Variants in CDR2 observed in about 807,000 individuals in gnomAD.
The protein encoded by CDR2 is cerebellar degeneration-related protein 2.
In CDR2, 34 loss-of-function variants were observed where a neutral mutation model predicts 48.4. That is an observed-to-expected ratio of 0.70 (90% CI 0.53 to 0.94). The LOEUF (loss-of-function observed/expected upper bound fraction) is 0.94. Ranked by LOEUF, CDR2 falls within the 40% of genes least tolerant of loss-of-function variation. The pLI is 0.00. For synonymous variants in CDR2, 240 were observed against 219.7 expected (o/e 1.09, Z -0.82); for missense variants, 498 against 549.5 (o/e 0.91, Z 0.94).
intron 1 of CDR2, chr16:22,368,948 G>A (rs2049059602): frequency 6.6e-6 from 1 of 152,184 alleles, no homozygotes; most frequent in South Asian, 2.1e-4. Context: ...GGCTCAACAT[G>A]TTCCAGAAAA....
At chr16:22,354,648 G>A (rs2048961488) in intron 2 of CDR2, among the ~76,000 whole-genome samples, 1 of 151,968 alleles carries the variant, frequency 6.6e-6, no homozygotes, top group South Asian at 2.1e-4. Flanking sequence ...AGCACTTTGG[G>A]AGGCCAAGGC....
At chr16:22,360,002 T>C (rs2049000850) in intron 2 of CDR2, among the ~76,000 whole-genome samples, 1 of 152,198 alleles carries the variant, frequency 6.6e-6, no homozygotes, top group African/African-American at 2.4e-5. Flanking sequence ...AAAATATTTT[T>C]CCATTTCCAA....
chr16:22,348,830 C>T (rs1045055087), intron 4 of CDR2, among the ~76,000 whole-genome samples: 4 of 152,186 alleles, frequency 2.6e-5, no homozygotes, highest in Admixed American at 1.3e-4. Context: ...CTATTTTGCT[C>T]GCCAACCCTT....
At chr16:22,351,138 T>C (rs1285552614) in intron 2 of CDR2, among the ~76,000 whole-genome samples, 1 of 152,198 alleles carries the variant, frequency 6.6e-6, no homozygotes, top group Non-Finnish European at 1.5e-5. Context: ...TTGTGATAGT[T>C]TGCTGAGAAT....
chr16:22,353,335 A>G (rs2048954930), intron 2 of CDR2, among the ~76,000 whole-genome samples: 1 of 152,190 alleles, frequency 6.6e-6, no homozygotes, highest in Admixed American at 6.5e-5. Flanking sequence ...AGTAGCTAAG[A>G]GCACAGGCTT....
rs747921751 is a variant in CDR2 at position 22,347,308 on chromosome 16, C to G, written c.1022G>C (p.Arg341Thr). The change falls in exon 5 of 5, where the codon AGG (arginine) becomes ACG (threonine). Residue 341 changes from arginine (R) to threonine (T), a missense_variant. Coordinates refer to ENST00000268383, the MANE Select transcript of CDR2 (RefSeq NM_001802.2). ...CIRRAKAVKQ[R>T]GISLLHEVDT... ...CACTTCGTGCAGAAGGGAGATGCCC[C>G]TCTGTTTCACAGCCTTGGCCCTCCT... The G allele has an allele frequency of 1.9e-6, 3 of 1,614,246 alleles. No individual in the cohort carries two copies. Among genetic ancestry groups the G allele is most frequent in the Non-Finnish European group, 2.5e-6 (3 of 1,180,038 alleles).
In CDR2 at chr16:22,366,302, A is replaced by G. The variant is rs566861167; in HGVS notation, c.80-1288T>C. Reference sequence around the variant, plus strand: ...GGCACTGGGATGGTGCCCAGGAGCCATAAGGAACTCACATTAAAAAAATAT... The same window carrying G: ...GGCACTGGGATGGTGCCCAGGAGCCGTAAGGAACTCACATTAAAAAAATAT... On this transcript the variant is annotated intron_variant, in intron 1 of 4. Transcript: ENST00000268383. Among the ~76,000 whole-genome samples, 7 of 152,328 alleles carry G rather than the reference A, an allele frequency of 4.6e-5. No individual in the cohort carries two copies. The South Asian group carries it at 6.2e-4, about 14-fold the overall frequency.
intron 1 of CDR2, 109 bp downstream of exon 1, chr16:22,374,122 C>T: frequency 2.9e-6 from 2 of 695,248 alleles, no homozygotes; most frequent in South Asian, 3.3e-5. Flanking sequence ...CTGAGCCCTT[C>T]CCGGCACCTG....
chr16:22,354,066 T>G (rs1033221089), intron 2 of CDR2, among the ~76,000 whole-genome samples: 2 of 152,182 alleles, frequency 1.3e-5, no homozygotes, highest in Non-Finnish European at 2.9e-5. Flanking sequence ...TTTTCAAACT[T>G]TACATGTGCT....
intron 2 of CDR2, among the ~76,000 whole-genome samples, chr16:22,364,517 ATATGGG>A (rs1483312479): frequency 2.6e-5 from 4 of 152,116 alleles, no homozygotes; most frequent in Admixed American, 6.6e-5. Context: ...GGTGGTGGAT[ATATGGG>A]TATTCACTGT....
At chr16:22,357,268 T>C (rs1157162661) in intron 2 of CDR2, among the ~76,000 whole-genome samples, 2 of 152,250 alleles carry the variant, frequency 1.3e-5, no homozygotes, top group Non-Finnish European at 1.5e-5. Context: ...GGGCTGGTCT[T>C]GAACTCCTGA....
intron 1 of CDR2, among the ~76,000 whole-genome samples, chr16:22,372,122 G>A (rs897765979): frequency 6.6e-6 from 1 of 152,048 alleles, no homozygotes; most frequent in Non-Finnish European, 1.5e-5. Flanking sequence ...TGCCCGCCTC[G>A]GCCTCCCAAA....
chr16:22,355,693 C>CA (rs1212262798), intron 2 of CDR2, among the ~76,000 whole-genome samples: 1 of 152,194 alleles, frequency 6.6e-6, no homozygotes, highest in Non-Finnish European at 1.5e-5. Context: ...GCCAAGCCCC[C>CA]AAACATGCCA....
At position 22,359,895 on chromosome 16, in the gene CDR2, T is replaced by C. The variant is rs1406713687; in HGVS notation, c.192+5007A>G. ...AGACCATGAATAAACACAACAGTGC[T>C]CACTGTTGCAATGGGAAATAAGGGG... is the stretch of plus-strand genomic sequence containing the variant. On this transcript the variant is annotated intron_variant, in intron 2 of 4. Coordinates refer to ENST00000268383, the MANE Select transcript of CDR2 (RefSeq NM_001802.2). Among the ~76,000 whole-genome samples the C allele has an allele frequency of 2.0e-5, 3 of 152,176 alleles. No homozygotes were observed. In the East Asian group the frequency reaches 5.8e-4, roughly 29 times the overall value.
chr16:22,346,694 C>G lies in CDR2; in HGVS notation c.*271G>C. Reference sequence around the variant, plus strand: ...TCTCCAGAAGTATAGCTCTTCCCTCCACTGGTCCTTTTCAGGAACTGAAGT... The same window carrying G: ...TCTCCAGAAGTATAGCTCTTCCCTCGACTGGTCCTTTTCAGGAACTGAAGT... On this transcript the variant is annotated 3_prime_UTR_variant, in exon 5 of 5. Coordinates refer to ENST00000268383, the MANE Select transcript of CDR2 (RefSeq NM_001802.2). 1 of 456,488 alleles carries G rather than the reference C, an allele frequency of 2.2e-6. No individual in the cohort carries two copies. Among genetic ancestry groups the G allele is most frequent in the Non-Finnish European group, 4.0e-6 (1 of 252,722 alleles). 28.3% of individuals were successfully genotyped at this position (456,488 alleles called of 1,614,324 possible).
intron 2 of CDR2, among the ~76,000 whole-genome samples, chr16:22,358,267 T>C (rs1045568023): frequency 3.3e-5 from 5 of 152,054 alleles, no homozygotes; most frequent in African/African-American, 1.2e-4. Flanking sequence ...CTGACTGCCA[T>C]AGTAAACAGG....
chr16:22,368,398 T>C (rs184056328), intron 1 of CDR2, among the ~76,000 whole-genome samples: 259 of 152,302 alleles, frequency 1.7e-3, no homozygotes, highest in Non-Finnish European at 3.0e-3. Flanking sequence ...TTAGTAGAGA[T>C]GGGGTTTCAC....
intron 1 of CDR2, among the ~76,000 whole-genome samples, chr16:22,373,282 CCTGTTT>C (rs1429041692): frequency 6.6e-6 from 1 of 152,170 alleles, no homozygotes; most frequent in Non-Finnish European, 1.5e-5. Context: ...CATCGGCAGG[CCTGTTT>C]CTAAGTGAAA....
intron 1 of CDR2, among the ~76,000 whole-genome samples, chr16:22,373,360 A>G (rs1441696732): frequency 6.6e-6 from 1 of 152,192 alleles, no homozygotes; most frequent in Non-Finnish European, 1.5e-5. Flanking sequence ...TGTCGTTTCA[A>G]TTGGCATCTG....
Sources: gnomAD v4.1 joint callset for allele counts (sites outside exome capture counted in the v4.1 genomes callset) on GRCh38, gnomAD v4.1.1 for gene constraint, MANE v1.5 for transcripts, NCBI Gene and HGNC (gene_info 2026-07-23, HGNC 2026-07-21) for gene names.